The following FRMD4B variants were observed in gnomAD, a reference collection of about 807,000 sequenced individuals.
FRMD4B encodes the protein FERM domain-containing protein 4B.
A neutral mutation model predicts 141.5 loss-of-function variants in FRMD4B; 74 were observed. The observed-to-expected ratio is 0.52, with a 90% CI of 0.43 to 0.63. The LOEUF (loss-of-function observed/expected upper bound fraction) is 0.63, where lower values mean the gene tolerates loss of function less well. Ranked by LOEUF, FRMD4B falls within the 30% of genes least tolerant of loss-of-function variation. The pLI is 0.00. For synonymous variants in FRMD4B, 506 were observed against 467.9 expected (o/e 1.08, Z -1.05); for missense variants, 1,366 against 1,253.4 (o/e 1.09, Z -1.36).
intron 3 of FRMD4B, 48 bp from the exon 4 acceptor site, chr3:69,302,483 G>T (rs1485970431): frequency 2.7e-6 from 3 of 1,107,298 alleles, no homozygotes; most frequent in South Asian, 1.3e-5. Flanking sequence ...AGTCAGAAAA[G>T]TTCAACAACG....
chr3:69,323,843 C>T (rs1344393476), intron 1 of FRMD4B, among the ~76,000 whole-genome samples: 1 of 151,734 alleles, frequency 6.6e-6, no homozygotes, highest in Non-Finnish European at 1.5e-5. Context: ...CTCTTAAGGG[C>T]TATATTACTT....
intron 1 of FRMD4B, among the ~76,000 whole-genome samples, chr3:69,441,539 A>G (rs72931870): frequency 0.068 from 10,334 of 152,110 alleles, 968 homozygotes; most frequent in African/African-American, 0.21. Context: ...CACTTGCCAC[A>G]ATTTGAATTT....
intron 1 of FRMD4B, among the ~76,000 whole-genome samples, chr3:69,329,294 T>A (rs1702284223): frequency 1.3e-5 from 2 of 152,146 alleles, no homozygotes; most frequent in South Asian, 4.1e-4. Flanking sequence ...TTGTTGTGCA[T>A]AGAACTTGGC....
In FRMD4B at chr3:69,195,244, C is replaced by T. The variant is rs760310967; in HGVS notation, c.1355G>A (p.Cys452Tyr). 1.2e-6 allele frequency: 2 copies of T among 1,613,114 alleles called. No homozygotes were observed. Among genetic ancestry groups the T allele is most frequent in the Admixed American group, 1.7e-5 (1 of 59,768 alleles). ...AAGCAGACTCACAGCCTCCCGCAGA[C>T]AGATCTTCTTAAGCTCCTCAACTTT... is the stretch of plus-strand genomic sequence containing the variant. Reference protein sequence around the residue: ...LKKVEELKKICLREAELTGKM... With the variant: ...LKKVEELKKIYLREAELTGKM... The change falls in exon 15 of 23, where the codon TGT (cysteine) becomes TAT (tyrosine). Residue 452 changes from cysteine to tyrosine, a missense_variant. Coordinates refer to ENST00000398540, the MANE Select transcript of FRMD4B (RefSeq NM_015123.3).
At chr3:69,369,538 G>GA (rs11403330) in intron 1 of FRMD4B, among the ~76,000 whole-genome samples, 27,556 of 151,406 alleles carry the variant, frequency 0.18, 2,789 homozygotes, top group African/African-American at 0.27. Context: ...AACATCTCAA[G>GA]AAAAAAAAGA....
chr3:69,394,456 A>G (rs901308547), intron 2 of FRMD4B, among the ~76,000 whole-genome samples: 48 of 152,246 alleles, frequency 3.2e-4, no homozygotes, highest in Non-Finnish European at 4.6e-4. Flanking sequence ...CAAAAAGTCC[A>G]CCCTTTGGGT....
chr3:69,498,700 A>C (rs1303200079), intron 1 of FRMD4B, among the ~76,000 whole-genome samples: 1 of 152,234 alleles, frequency 6.6e-6, no homozygotes, highest in Non-Finnish European at 1.5e-5. Context: ...ATAAACACTT[A>C]GCAGACACTT....
intron 17 of FRMD4B, among the ~76,000 whole-genome samples, chr3:69,192,604 T>C (rs1427049551): frequency 6.6e-6 from 1 of 152,166 alleles, no homozygotes. Context: ...AAATACATAA[T>C]GTTGAGAACT....
chr3:69,493,868 G>C (rs1706343209), intron 1 of FRMD4B, among the ~76,000 whole-genome samples: 1 of 152,252 alleles, frequency 6.6e-6, no homozygotes, highest in East Asian at 1.9e-4. Context: ...GACATATCTT[G>C]TTCATCTTGG....
At chr3:69,492,551 T>A (rs751532247) in intron 1 of FRMD4B, among the ~76,000 whole-genome samples, 1 of 152,206 alleles carries the variant, frequency 6.6e-6, no homozygotes, top group African/African-American at 2.4e-5. Flanking sequence ...GATACAAATA[T>A]ACATTCTTGG....
intron 1 of FRMD4B, chr3:69,376,914 T>C (rs888112277): frequency 6.6e-6 from 1 of 151,938 alleles, no homozygotes; most frequent in African/African-American, 2.4e-5. Flanking sequence ...AGGGGATGAA[T>C]GAGAAAGTTA....
chr3:69,350,095 A>G (rs184667717), intron 1 of FRMD4B, among the ~76,000 whole-genome samples: 2,368 of 152,336 alleles, frequency 0.016, 54 homozygotes, highest in Non-Finnish European at 0.019. Flanking sequence ...GCTAATATCC[A>G]GAATCTACAA....
At chr3:69,271,014 G>A (rs1056098881) in intron 5 of FRMD4B, among the ~76,000 whole-genome samples, 2 of 152,128 alleles carry the variant, frequency 1.3e-5, no homozygotes, top group African/African-American at 4.8e-5. Context: ...TGGACCATCT[G>A]CCTCCTCCAC....
chr3:69,375,550 G>A lies in FRMD4B; in HGVS notation c.162+10278C>T, dbSNP rs144610142. 4.1e-3 allele frequency among the ~76,000 whole-genome samples: 621 copies of A among 152,158 alleles called. 1 individual carries two copies. Among genetic ancestry groups the A allele is most frequent in the Middle Eastern group, 0.014 (4 of 294 alleles). On this transcript the variant is annotated intron_variant, in intron 1 of 22. Transcript: ENST00000398540. The stretch of plus-strand genomic sequence containing the variant: ...GGTGAGTTACGATTTGAATTCAGGC[G>A]GTTTGAGTTCATAGACTTCATCTTT...
intron 5 of FRMD4B, among the ~76,000 whole-genome samples, chr3:69,267,265 A>C (rs1373046718): frequency 2.0e-5 from 3 of 152,238 alleles, no homozygotes; most frequent in Admixed American, 2.0e-4. Flanking sequence ...CAGAAATACC[A>C]GTGTAATACA....
intron 1 of FRMD4B, among the ~76,000 whole-genome samples, chr3:69,456,869 A>G (rs867818756): frequency 6.6e-6 from 1 of 152,076 alleles, no homozygotes; most frequent in African/African-American, 2.4e-5. Flanking sequence ...CATGTTGTCT[A>G]TGGCTGCTTT....
intron 1 of FRMD4B, among the ~76,000 whole-genome samples, chr3:69,313,927 C>G (rs1701698150): frequency 6.7e-6 from 1 of 148,790 alleles, no homozygotes; most frequent in South Asian, 2.1e-4. Context: ...ATCACGAGGT[C>G]AGGAGATCGA....
At chr3:69,393,962 TTTAA>T (rs1160653025) in intron 2 of FRMD4B, among the ~76,000 whole-genome samples, 59 of 152,344 alleles carry the variant, frequency 3.9e-4, no homozygotes, top group African/African-American at 1.3e-3. Flanking sequence ...TTTTCAGTCC[TTTAA>T]TTAAGAGACA....
chr3:69,498,334 G>A (rs117477295), intron 1 of FRMD4B, among the ~76,000 whole-genome samples: 1 of 152,228 alleles, frequency 6.6e-6, no homozygotes, highest in East Asian at 1.9e-4. Context: ...AGGCAATAAG[G>A]GGATTTTATG....
Sources: allele counts gnomAD v4.1 joint callset (sites outside exome capture counted in the v4.1 genomes callset), GRCh38; gene constraint gnomAD v4.1.1; transcripts MANE v1.5; gene names NCBI Gene and HGNC (gene_info 2026-07-23, HGNC 2026-07-21).